The following TAAR2 variants were observed in gnomAD, a reference collection of about 807,000 sequenced individuals.
TAAR2 encodes trace amine associated receptor 2.
Under a neutral mutation model 25.5 loss-of-function variants are expected in TAAR2, and 30 were observed. The ratio of observed to expected loss-of-function variants is 1.18; its 90% CI spans 0.88 to 1.60. The LOEUF is 1.60. TAAR2 is among the 40% of genes most tolerant of loss of function. The pLI, the probability that TAAR2 is intolerant of heterozygous loss-of-function variation, is 0.00. For missense variants in TAAR2, 481 were observed against 416.5 expected (o/e 1.15, Z -1.35); for synonymous variants, 150 against 142.4 (o/e 1.05, Z -0.38).
intron 1 of TAAR2, among the ~76,000 whole-genome samples, chr6:132,618,478 A>G (rs1777332176): frequency 2.0e-5 from 3 of 152,066 alleles, no homozygotes; most frequent in Admixed American, 6.5e-5. Context: ...CATCTCTACT[A>G]AAAATACAAA....
At chr6:132,618,619 G>T (rs1287571406) in intron 1 of TAAR2, among the ~76,000 whole-genome samples, 1 of 151,738 alleles carries the variant, frequency 6.6e-6, no homozygotes, top group Non-Finnish European at 1.5e-5. Context: ...CAACTTGGGA[G>T]ACAGAGAGAG....
rs752716983 is a variant in TAAR2, at chr6:132,617,674, C to T, written c.532G>A (p.Val178Met). 8 of 1,613,768 alleles carry T rather than the reference C, an allele frequency of 5.0e-6. No individual in the cohort carries two copies. Among genetic ancestry groups the T allele is most frequent in the African/African-American group, 1.3e-5 (1 of 74,882 alleles). Residue 178 changes from valine (V) to methionine (M), a missense_variant, in exon 2 of 2, where the codon GTG (valine) becomes ATG (methionine). By Grantham distance (21) the Val-to-Met change is conservative. Coordinates refer to ENST00000367931, the MANE Select transcript of TAAR2 (RefSeq NM_001033080.1). The stretch of plus-strand genomic sequence containing the variant: ...TCTGCATAGGCCTCTGAGAAGACCA[C>T]CCCGAAGGCAAATGCTCCAGGGACC... Reference protein sequence around the residue: ...WSVPGAFAFGVVFSEAYADGI... With the variant: ...WSVPGAFAFGMVFSEAYADGI...
chr6:132,618,801 A>G (rs1777336490), intron 1 of TAAR2, among the ~76,000 whole-genome samples: 1 of 152,202 alleles, frequency 6.6e-6, no homozygotes. Flanking sequence ...ATTAGACAAT[A>G]CATGTACTTC....
At chr6:132,622,478 C>CTTT (rs1156767001) in intron 1 of TAAR2, among the ~76,000 whole-genome samples, 820 of 57,378 alleles carry the variant, frequency 0.014, 78 homozygotes, top group African/African-American at 0.047. Context: ...TTAGTAACCA[C>CTTT]TTTTTTTTTT....
intron 1 of TAAR2, among the ~76,000 whole-genome samples, chr6:132,618,801 AC>A (rs1382410256): frequency 6.6e-6 from 1 of 152,202 alleles, no homozygotes. Context: ...ATTAGACAAT[AC>A]ATGTACTTCT....
chr6:132,617,357 T>A lies in TAAR2; in HGVS notation c.849A>T (p.Leu283Phe). ...LCWFPCFFTI[L>F]LDPFLNFSTP... ...TAGAGAAGTTCAAAAAGGGATCCAA[T>A]AAAATTGTGAAGAAACAAGGAAACC... Residue 283 changes from leucine to phenylalanine, a missense_variant, in exon 2 of 2, where the codon TTA (leucine) becomes TTT (phenylalanine). Coordinates refer to ENST00000367931, the MANE Select transcript of TAAR2 (RefSeq NM_001033080.1). 1 of 1,613,630 alleles carries A rather than the reference T, an allele frequency of 6.2e-7. No individual in the cohort carries two copies. Among genetic ancestry groups the A allele is most frequent in the East Asian group, 2.2e-5 (1 of 44,746 alleles).
At chr6:132,620,786 T>G (rs1013219684) in intron 1 of TAAR2, among the ~76,000 whole-genome samples, 1 of 133,052 alleles carries the variant, frequency 7.5e-6, no homozygotes, top group Non-Finnish European at 1.6e-5. Context: ...AAATAAAAGT[T>G]AAAAAAACAT....
intron 1 of TAAR2, among the ~76,000 whole-genome samples, chr6:132,619,481 C>G (rs1219143189): frequency 1.3e-5 from 2 of 151,970 alleles, no homozygotes; most frequent in African/African-American, 4.8e-5. Context: ...TACCAGTTAC[C>G]AAGAGATAAA....
At position 132,618,149 on chromosome 6, in the gene TAAR2, C is replaced by CA. The variant is rs1562195030; in HGVS notation, c.61-5dup. 2 of 1,554,410 alleles carry CA rather than the reference C, an allele frequency of 1.3e-6. No homozygotes were observed. The highest frequency in any genetic ancestry group is 1.7e-6 in the Non-Finnish European group (2 of 1,154,674). ...ATTCAGAGCAATTGAATTTTTCCTT[C>CA]AAAAAACAAGAACAGATAGAATTTT... is the stretch of plus-strand genomic sequence containing the variant. On this transcript the variant is annotated splice_polypyrimidine_tract_variant and splice_region_variant and intron_variant, in intron 1 of 1. Transcript: ENST00000367931.
intron 1 of TAAR2, among the ~76,000 whole-genome samples, chr6:132,622,933 T>A (rs1777393834): frequency 6.6e-6 from 1 of 152,226 alleles, no homozygotes. Context: ...AGTTAATGAA[T>A]CTTAACATAT....
At chr6:132,621,428 C>T (rs949320895) in intron 1 of TAAR2, among the ~76,000 whole-genome samples, 1 of 152,026 alleles carries the variant, frequency 6.6e-6, no homozygotes, top group Non-Finnish European at 1.5e-5. Flanking sequence ...CCCCCACCCC[C>T]TGACAAGCCC....
intron 1 of TAAR2, among the ~76,000 whole-genome samples, chr6:132,620,516 G>A (rs1051225544): frequency 2.6e-5 from 4 of 152,148 alleles, no homozygotes; most frequent in Admixed American, 1.3e-4. Flanking sequence ...TGAAATGGGG[G>A]TTTCTAACCA....
chr6:132,618,069 A>G lies in TAAR2; in HGVS notation c.137T>C (p.Met46Thr), dbSNP rs1777324551. The G allele has an allele frequency of 8.1e-6, 13 of 1,614,034 alleles. No homozygotes were observed. Among genetic ancestry groups the G allele is most frequent in the Non-Finnish European group, 1.0e-5 (12 of 1,179,924 alleles). ...NERSLGVRVA[M>T]YSFMAGSIFI... Reference sequence around the variant, plus strand: ...TATGGATCCTGCCATAAATGAATACATAGCCACTCGGACACCCAGAGATCT... The same window carrying G: ...TATGGATCCTGCCATAAATGAATACGTAGCCACTCGGACACCCAGAGATCT... Residue 46 changes from methionine to threonine, a missense_variant, in exon 2 of 2, where the codon ATG (methionine) becomes ACG (threonine). Coordinates refer to ENST00000367931, the MANE Select transcript of TAAR2 (RefSeq NM_001033080.1).
rs1014942480 is a variant in TAAR2, at chr6:132,622,556, G to A, written c.60+1660C>T. Reference sequence around the variant, plus strand: ...GCTAGAGTGCAATGGTGCAATCTCGGCTCACTGCAACCTCCATTTCCCAGG... The same window carrying A: ...GCTAGAGTGCAATGGTGCAATCTCGACTCACTGCAACCTCCATTTCCCAGG... On this transcript the variant is annotated intron_variant, in intron 1 of 1. Transcript: ENST00000367931. 5.1e-5 allele frequency among the ~76,000 whole-genome samples: 7 copies of A among 136,322 alleles called. No homozygotes were observed. The South Asian group carries it at 1.7e-3, about 33-fold the overall frequency. 89.4% of individuals were successfully genotyped at this position (136,322 alleles called of 152,430 possible).
Position 132,617,934 on chromosome 6 carries a change from A to T in TAAR2, c.272T>A (p.Leu91His). Residue 91 changes from leucine to histidine, a missense_variant, in exon 2 of 2, where the codon CTC (leucine) becomes CAC (histidine). By Grantham distance (99) the Leu-to-His change is moderately conservative (BLOSUM62 -3). Coordinates refer to ENST00000367931, the MANE Select transcript of TAAR2 (RefSeq NM_001033080.1). ...ATATGGCATGATGGTGAATCCCAGG[A>T]GGAAATCAGTGATGGCCATGGAGAG... The part of the protein sequence containing the change: ...LILSMAITDF[L>H]LGFTIMPYSM... 6.2e-7 allele frequency: 1 copy of T among 1,614,028 alleles called. No homozygotes were observed. Among genetic ancestry groups the T allele is most frequent in the Non-Finnish European group, 8.5e-7 (1 of 1,179,962 alleles).
At chr6:132,621,042 A>G (rs1777365087) in intron 1 of TAAR2, among the ~76,000 whole-genome samples, 1 of 140,926 alleles carries the variant, frequency 7.1e-6, no homozygotes, top group Non-Finnish European at 1.5e-5. Flanking sequence ...AGTATTATCA[A>G]AAAGAAAAAA....
intron 1 of TAAR2, among the ~76,000 whole-genome samples, chr6:132,623,581 A>T (rs928140905): frequency 6.6e-6 from 1 of 152,124 alleles, no homozygotes; most frequent in African/African-American, 2.4e-5. Context: ...TTACCGAAGG[A>T]ACTTTTTTCT....
Position 132,618,043 on chromosome 6 carries a change from A to G in TAAR2, c.163T>C (p.Phe55Leu). 1.9e-6 allele frequency: 3 copies of G among 1,614,054 alleles called. No homozygotes were observed. Among genetic ancestry groups the G allele is most frequent in the Non-Finnish European group, 2.5e-6 (3 of 1,179,960 alleles). ...AMYSFMAGSI[F>L]ITIFGNLAMI... ...GCAAGATTGCCAAATATTGTGATGA[A>G]TATGGATCCTGCCATAAATGAATAC... The change falls in exon 2 of 2, where the codon TTC becomes CTC. Residue 55 changes from phenylalanine to leucine, a missense_variant. Physicochemically the swap from Phe to Leu is conservative, Grantham distance 22. Coordinates refer to ENST00000367931, the MANE Select transcript of TAAR2 (RefSeq NM_001033080.1).
At position 132,617,259 on chromosome 6, in the gene TAAR2, C is replaced by T. The variant is rs1397503116; in HGVS notation, c.947G>A (p.Gly316Asp). 1 of 1,613,598 alleles carries T rather than the reference C, an allele frequency of 6.2e-7. No homozygotes were observed. The highest frequency in any genetic ancestry group is 1.1e-5 in the South Asian group (1 of 91,026). ...TCTGCGAAACCAGGGATAGAAGAAA[C>T]CATATATTAACGGATTACATGTGGA... ...FNSTCNPLIY[G>D]FFYPWFRRAL... Residue 316 changes from glycine (G) to aspartate (D), a missense_variant, in exon 2 of 2, where the codon GGT (glycine) becomes GAT (aspartate). Coordinates refer to ENST00000367931, the MANE Select transcript of TAAR2 (RefSeq NM_001033080.1).
Sources: allele counts gnomAD v4.1 joint callset (sites outside exome capture counted in the v4.1 genomes callset), GRCh38; gene constraint gnomAD v4.1.1; transcripts MANE v1.5; gene names NCBI Gene and HGNC (gene_info 2026-07-23, HGNC 2026-07-21).